LARP1B: variants seen among roughly 807,000 people sequenced by gnomAD.
LARP1B encodes La ribonucleoprotein 1B, also known as la-related protein 1B.
In LARP1B, 76 loss-of-function variants were observed where a neutral mutation model predicts 114.2. The ratio of observed to expected loss-of-function variants is 0.67; its 90% CI spans 0.55 to 0.81. The LOEUF is 0.81. Ranked by LOEUF, LARP1B falls within the 30% of genes least tolerant of loss-of-function variation. The pLI is 0.00. For missense variants in LARP1B, 1,014 were observed against 1,075.8 expected, an observed-to-expected ratio of 0.94 and a Z score of 0.80; for synonymous variants, 345 against 348.0, an observed-to-expected ratio of 0.99 and a Z score of 0.10.
rs1043358682 is a variant in LARP1B at position 128,108,771 on chromosome 4, C to T, written c.988+1458C>T. ...AGCTAGCTTATGAACATTGGGTTCA[C>T]AAGGCATTGGGTAAGTTAGATAAAA... On this transcript the variant is annotated intron_variant, in intron 9 of 19. Coordinates refer to ENST00000326639, the MANE Select transcript of LARP1B (RefSeq NM_018078.4). 2.4e-5 allele frequency: 24 copies of T among 984,824 alleles called. No homozygotes were observed. The African/African-American group carries it at 4.2e-4, about 17-fold the overall frequency. 61.0% of individuals were successfully genotyped at this position (984,824 alleles called of 1,614,324 possible).
intron 1 of LARP1B, among the ~76,000 whole-genome samples, chr4:128,068,574 G>A (rs1445760034): frequency 2.0e-5 from 3 of 151,916 alleles, no homozygotes; most frequent in Non-Finnish European, 4.4e-5. Flanking sequence ...TTGAACTCAA[G>A]CTATTTTTAT....
Position 128,155,277 on chromosome 4 carries a change from C to G in LARP1B, c.1525-6917C>G, listed in dbSNP as rs1043302125. ...AGCTGAAAAAGTAGGTTTAAAAAATCTGTGTGAAGGCACAGTAGAGGGCCA... is the reference window on the plus strand; with the variant it reads ...AGCTGAAAAAGTAGGTTTAAAAAATGTGTGTGAAGGCACAGTAGAGGGCCA... On this transcript the variant is annotated intron_variant, in intron 11 of 19. Transcript: ENST00000326639. The G allele has an allele frequency of 9.5e-5, 38 of 398,874 alleles. No individual in the cohort carries two copies. In the East Asian group the frequency reaches 1.7e-3, roughly 18 times the overall value. 24.7% of individuals were successfully genotyped at this position (398,874 alleles called of 1,614,324 possible). A position where few individuals can be genotyped will look rare whatever the true frequency, so the allele number is the denominator to read the frequency against.
At chr4:128,143,182 G>A (rs1198219447) in intron 11 of LARP1B, among the ~76,000 whole-genome samples, 1 of 152,122 alleles carries the variant, frequency 6.6e-6, no homozygotes, top group Non-Finnish European at 1.5e-5. Context: ...CTATTCGGGA[G>A]GCTGAGGCAG....
chr4:128,203,744 C>T (rs1756767935), intron 17 of LARP1B, among the ~76,000 whole-genome samples: 1 of 152,144 alleles, frequency 6.6e-6, no homozygotes, highest in South Asian at 2.1e-4. Context: ...AATGTGATTA[C>T]AGGAAGGAGG....
intron 11 of LARP1B, among the ~76,000 whole-genome samples, chr4:128,158,219 A>G (rs1736739873): frequency 6.6e-6 from 1 of 152,166 alleles, no homozygotes; most frequent in Non-Finnish European, 1.5e-5. Context: ...GGGAGATTGT[A>G]ACACACACCT....
At chr4:128,153,454 C>T (rs563812022) in intron 11 of LARP1B, among the ~76,000 whole-genome samples, 17 of 151,756 alleles carry the variant, frequency 1.1e-4, no homozygotes, top group Non-Finnish European at 1.3e-4. Flanking sequence ...TACAGGCGTG[C>T]ACCACCACGC....
At position 128,067,130 on chromosome 4, in the gene LARP1B, T is replaced by G. The variant is rs537204211; in HGVS notation, c.-78+5729T>G. 3.2e-4 allele frequency among the ~76,000 whole-genome samples: 49 copies of G among 152,108 alleles called. No homozygotes were observed. In the South Asian group the frequency reaches 9.7e-3, roughly 30 times the overall value. The stretch of plus-strand genomic sequence containing the variant: ...ACCTCAGGCTATTTTCTTAAGCAAA[T>G]TTGCAACTTAAGAAGTAAAGAAATA... On this transcript the variant is annotated intron_variant, in intron 1 of 19. Coordinates refer to ENST00000326639, the MANE Select transcript of LARP1B (RefSeq NM_018078.4).
At chr4:128,147,182 G>T (rs961234107) in intron 11 of LARP1B, among the ~76,000 whole-genome samples, 15 of 152,186 alleles carry the variant, frequency 9.9e-5, no homozygotes, top group Admixed American at 9.2e-4. Context: ...TGTTAGCTGG[G>T]ACGAGAGACC....
At chr4:128,206,393 T>C in intron 17 of LARP1B, 35 bp from the exon 18 acceptor site, 2 of 1,252,230 alleles carry the variant, frequency 1.6e-6, no homozygotes, top group Non-Finnish European at 2.3e-6. Flanking sequence ...AGAGATATTG[T>C]ATTTTATTAT....
intron 1 of LARP1B, among the ~76,000 whole-genome samples, chr4:128,062,503 G>T (rs1002800118): frequency 3.3e-5 from 5 of 151,704 alleles, no homozygotes; most frequent in Non-Finnish European, 7.4e-5. Context: ...TGGCGCGGTT[G>T]CGATTGTGTT....
At position 128,179,569 on chromosome 4, in the gene LARP1B, A is replaced by G. The variant is rs1197566517; in HGVS notation, c.2003+57A>G. ...TCGTGATTTGAAGTTTTTTGAAAAC[A>G]GTTACTAATTGGATATTTCAAAATA... On this transcript the variant is annotated intron_variant, in intron 15 of 19. Transcript: ENST00000326639. The G allele has an allele frequency of 3.7e-6, 4 of 1,075,416 alleles. No homozygotes were observed. The African/African-American group carries it at 6.4e-5, about 17-fold the overall frequency. The allele number at this position is 1,075,416 out of a possible 1,614,324, so 66.6% of individuals were successfully genotyped here. A position where few individuals can be genotyped will look rare whatever the true frequency, so the allele number is the denominator to read the frequency against.
chr4:128,096,711 C>T (rs1362826622), intron 7 of LARP1B, among the ~76,000 whole-genome samples: 3 of 151,964 alleles, frequency 2.0e-5, no homozygotes, highest in Admixed American at 6.6e-5. Flanking sequence ...CGCCATTCTC[C>T]TGCCTCAACC....
At chr4:128,072,290 T>C (rs1180575850) in intron 1 of LARP1B, among the ~76,000 whole-genome samples, 1 of 152,164 alleles carries the variant, frequency 6.6e-6, no homozygotes, top group East Asian at 1.9e-4. Flanking sequence ...CGTGAGCCAC[T>C]GTGCCCGGCC....
intron 15 of LARP1B, among the ~76,000 whole-genome samples, chr4:128,195,830 TC>T (rs769839811): frequency 6.6e-6 from 1 of 151,962 alleles, no homozygotes; most frequent in Non-Finnish European, 1.5e-5. Flanking sequence ...TTTGAAGAGA[TC>T]AACAAAATTG....
At chr4:128,171,358 G>A (rs970366728) in intron 12 of LARP1B, among the ~76,000 whole-genome samples, 1 of 152,010 alleles carries the variant, frequency 6.6e-6, no homozygotes, top group Non-Finnish European at 1.5e-5. Context: ...AGTACTGCTG[G>A]CTGGCCTCAA....
At chr4:128,189,102 C>T (rs1751333702) in intron 15 of LARP1B, among the ~76,000 whole-genome samples, 1 of 151,956 alleles carries the variant, frequency 6.6e-6, no homozygotes, top group South Asian at 2.1e-4. Flanking sequence ...TTGAAGCCCC[C>T]TGCTATTATT....
At chr4:128,093,868 G>A (rs987746853) in intron 7 of LARP1B, among the ~76,000 whole-genome samples, 7 of 151,470 alleles carry the variant, frequency 4.6e-5, no homozygotes, top group African/African-American at 7.3e-5. Context: ...ATGCCACCAC[G>A]CCCAGCTAAT....
At chr4:128,096,440 A>G (rs946667472) in intron 7 of LARP1B, among the ~76,000 whole-genome samples, 2 of 152,146 alleles carry the variant, frequency 1.3e-5, no homozygotes, top group Admixed American at 6.5e-5. Flanking sequence ...TCATACTGAC[A>G]GTTCATCCAT....
chr4:128,183,109 T>G (rs1421050552), intron 15 of LARP1B, among the ~76,000 whole-genome samples: 1 of 152,172 alleles, frequency 6.6e-6, no homozygotes, highest in Non-Finnish European at 1.5e-5. Flanking sequence ...CAGCAAGTTT[T>G]AAGGAAGATC....
Sources: gnomAD v4.1 joint callset for allele counts (sites outside exome capture counted in the v4.1 genomes callset) on GRCh38, gnomAD v4.1.1 for gene constraint, MANE v1.5 for transcripts, NCBI Gene and HGNC (gene_info 2026-07-23, HGNC 2026-07-21) for gene names.